The following KMT2D variants were observed in gnomAD, a reference collection of about 807,000 sequenced individuals.
KMT2D encodes histone-lysine N-methyltransferase 2D.
KMT2D carries 55 observed loss-of-function variants against 512.7 expected under a neutral mutation model. That is an observed-to-expected ratio of 0.11 (90% confidence interval 0.09 to 0.13). KMT2D has a LOEUF of 0.13. KMT2D is among the 10% of genes least tolerant of loss of function. The pLI, the probability that KMT2D is intolerant of heterozygous loss-of-function variation, is 1.00. For missense variants in KMT2D, 6,061 were observed against 7,127.9 expected (o/e 0.85, Z 5.39); for synonymous variants, 2,995 against 2,904.0 (o/e 1.03, Z -1.01).
chr12:49,022,442 G>A lies in KMT2D; in HGVS notation c.16339-89C>T. The A allele has an allele frequency of 6.7e-7, 1 of 1,492,010 alleles. No homozygotes were observed. Among genetic ancestry groups the A allele is most frequent in the Non-Finnish European group, 9.2e-7 (1 of 1,082,362 alleles). The allele number at this position is 1,492,010 out of a possible 1,614,324, so 92.4% of individuals were successfully genotyped here. On this transcript the variant is annotated intron_variant, in intron 52 of 54. Coordinates refer to ENST00000301067, the MANE Select transcript of KMT2D (RefSeq NM_003482.4). The surrounding 1 kb of genome is among the most constrained non-coding windows in gnomAD (Gnocchi z 8.6). ...GGATCAGGTAGGAGACTCAGGCAGT[G>A]GGGGCTTTTGTTGCATGTACTTCAT...
rs1592133895 is a variant in KMT2D, at chr12:49,039,823, C to T, written c.7947G>A (p.Gly2649=). 1 of 1,614,032 alleles carries T rather than the reference C, an allele frequency of 6.2e-7. No individual in the cohort carries two copies. The highest frequency in any genetic ancestry group is 2.2e-5 in the East Asian group (1 of 44,884). Residue 2649 remains glycine (G), a synonymous_variant, in exon 32 of 55, where the codon GGG becomes GGA. Coordinates refer to ENST00000301067, the MANE Select transcript of KMT2D (RefSeq NM_003482.4). The surrounding 1 kb of genome is among the most constrained non-coding windows in gnomAD (Gnocchi z 5.0). ...TSPVEKREDP[G]TGMGSSLATA... is the part of the protein sequence containing the mutation. The stretch of plus-strand genomic sequence containing the variant: ...TCGCCAAAGAGCTACCCATTCCAGT[C>T]CCTGGGTCTTCTCGCTTTTCGACAG...
At chr12:49,035,912 A>C (rs1297248123) in intron 35 of KMT2D, 1 of 152,268 alleles carries the variant, frequency 6.6e-6, no homozygotes, top group Non-Finnish European at 1.5e-5. Context: ...TGGAATCCTG[A>C]GGCAGTAAAC....
chr12:49,042,970 G>A lies in KMT2D; in HGVS notation c.5645-92C>T. Reference sequence around the variant, plus strand: ...ATGATCATGGCCAGGAACAGTCCAGGACTCCCCACCAGAGAAGCTGTACAG... The same window carrying A: ...ATGATCATGGCCAGGAACAGTCCAGAACTCCCCACCAGAGAAGCTGTACAG... On this transcript the variant is annotated intron_variant, in intron 26 of 54. Coordinates refer to ENST00000301067, the MANE Select transcript of KMT2D (RefSeq NM_003482.4). This position sits in a 1 kb window ranked among gnomAD's most constrained non-coding sequence, Gnocchi z 4.4. 6.3e-7 allele frequency: 1 copy of A among 1,575,490 alleles called. No individual in the cohort carries two copies.
rs1314421590 is a variant in KMT2D at position 49,034,165 on chromosome 12, T to C, written c.10642A>G (p.Thr3548Ala). The C allele has an allele frequency of 6.2e-7, 1 of 1,613,402 alleles. No individual in the cohort carries two copies. Among genetic ancestry groups the C allele is most frequent in the Non-Finnish European group, 8.5e-7 (1 of 1,179,864 alleles). ...AACTCACGGCCAGCTTTTTTGGCAGTGCGCTGCTTGGCACACAGAGCCTTC... is the reference window on the plus strand; with the variant it reads ...AACTCACGGCCAGCTTTTTTGGCAGCGCGCTGCTTGGCACACAGAGCCTTC... ...SRKALCAKQR[T>A]AKKAGREFPE... is the part of the protein sequence containing the mutation. The change falls in exon 39 of 55, where the codon ACT (threonine) becomes GCT (alanine). Residue 3548 changes from threonine (T) to alanine (A), a missense_variant. Physicochemically the swap from Thr to Ala is moderately conservative, Grantham distance 58. Around this residue, in one of 16 missense-constraint regions of KMT2D, gnomAD observed 50 missense variants for 119.9 expected, o/e 0.42. Transcript: ENST00000301067.
Position 49,039,866 on chromosome 12 carries a change from C to G in KMT2D, c.7904G>C (p.Arg2635Pro), listed in dbSNP as rs200359477. 4 of 1,614,030 alleles carry G rather than the reference C, an allele frequency of 2.5e-6. No individual in the cohort carries two copies. Among genetic ancestry groups the G allele is most frequent in the Non-Finnish European group, 3.4e-6 (4 of 1,179,902 alleles). Reference protein sequence around the residue: ...LPYLSHGASQRSGITSPVEKR... With the variant: ...LPYLSHGASQPSGITSPVEKR... The stretch of plus-strand genomic sequence containing the variant: ...TTCGACAGGAGAGGTGATGCCTGAT[C>G]GCTGTGAGGCTCCATGGGACAGGTA... The change falls in exon 32 of 55, where the codon CGA becomes CCA. Residue 2635 changes from arginine to proline, a missense_variant. Physicochemically the swap from Arg to Pro is moderately radical, Grantham distance 103. This residue lies in a region of KMT2D where 527 missense variants were observed against 578.9 expected (regional missense o/e 0.91). Coordinates refer to ENST00000301067, the MANE Select transcript of KMT2D (RefSeq NM_003482.4). The surrounding 1 kb of genome is among the most constrained non-coding windows in gnomAD (Gnocchi z 5.0).
chr12:49,044,517 C>T lies in KMT2D; in HGVS notation c.4969G>A (p.Val1657Met), dbSNP rs1295865273. The change falls in exon 21 of 55, where the codon GTG (valine) becomes ATG (methionine). Residue 1657 changes from valine (V) to methionine (M), a missense_variant. By Grantham distance (21) the Val-to-Met change is conservative. Transcript: ENST00000301067. This position sits in a 1 kb window ranked among gnomAD's most constrained non-coding sequence, Gnocchi z 6.4. ...TTAATTTCGCACTCCATGTGCTCCACACCACCTGCGTATGGTGACAGAAGA... is the reference window on the plus strand; with the variant it reads ...TTAATTTCGCACTCCATGTGCTCCATACCACCTGCGTATGGTGACAGAAGA... ...TDELLKGEGG[V>M]EHMECEIKLE... 1 of 1,613,990 alleles carries T rather than the reference C, an allele frequency of 6.2e-7. No individual in the cohort carries two copies. The highest frequency in any genetic ancestry group is 8.5e-7 in the Non-Finnish European group (1 of 1,179,860).
At position 49,043,142 on chromosome 12, in the gene KMT2D, G is replaced by T. The variant is rs754087687; in HGVS notation, c.5578C>A (p.Pro1860Thr). 2 of 1,613,922 alleles carry T rather than the reference G, an allele frequency of 1.2e-6. No homozygotes were observed. The highest frequency in any genetic ancestry group is 1.7e-6 in the Non-Finnish European group (2 of 1,179,854). ...TCACCTGGGGTGCCTGGCTTCTCAG[G>T]GTCACTGGGCACTGGGGATGCCTTC... ...GVKASPVPSD[P>T]EKPGTPGEGM... Residue 1860 changes from proline (P) to threonine (T), a missense_variant, in exon 26 of 55, where the codon CCT (proline) becomes ACT (threonine). Around this residue, in one of 16 missense-constraint regions of KMT2D, gnomAD observed 640 missense variants for 814.3 expected, o/e 0.79. Coordinates refer to ENST00000301067, the MANE Select transcript of KMT2D (RefSeq NM_003482.4).
rs2120510723 is a variant in KMT2D, at chr12:49,039,367, G to A, written c.8230-9C>T. The A allele has an allele frequency of 1.2e-6, 2 of 1,611,052 alleles. No homozygotes were observed. Among genetic ancestry groups the A allele is most frequent in the Non-Finnish European group, 1.7e-6 (2 of 1,178,362 alleles). ...ACAAGGCTGCTCTTGTCCTAGAAGA[G>A]ACAAGGTAGATGAAGGTGGAGCAAC... On this transcript the variant is annotated splice_polypyrimidine_tract_variant and intron_variant, in intron 33 of 54. Transcript: ENST00000301067. This position sits in a 1 kb window ranked among gnomAD's most constrained non-coding sequence, Gnocchi z 5.0.
Position 49,051,824 on chromosome 12 carries a change from G to C in KMT2D, c.1859C>G (p.Pro620Arg), listed in dbSNP as rs369076375. The C allele has an allele frequency of 2.0e-5, 32 of 1,612,962 alleles. No homozygotes were observed. Among genetic ancestry groups the C allele is most frequent in the East Asian group, 4.5e-5 (2 of 44,826 alleles). ...TGGGGACAGGCGTGATGCCTCAGGT[G>C]GTGGGGAAAGGGGAGACTCCTCAGG... is the stretch of plus-strand genomic sequence containing the variant. ...PPPEESPLSP[P>R]PEASRLSPPP... The change falls in exon 11 of 55, where the codon CCA becomes CGA. Residue 620 changes from proline (P) to arginine (R), a missense_variant. Physicochemically the swap from Pro to Arg is moderately radical, Grantham distance 103. Transcript: ENST00000301067.
chr12:49,047,608 C>T (rs565268479), intron 15 of KMT2D, among the ~76,000 whole-genome samples: 35 of 151,502 alleles, frequency 2.3e-4, no homozygotes, highest in Non-Finnish European at 4.3e-4. Context: ...TTAGAAGAGA[C>T]GGGGTTTCAC....
intron 46 of KMT2D, 136 bp downstream of exon 46, chr12:49,028,692 T>G: frequency 8.4e-7 from 1 of 1,185,602 alleles, no homozygotes; most frequent in South Asian, 1.6e-5. Flanking sequence ...TCTCACAGCC[T>G]CTAGCCCAGG....
chr12:49,032,166 T>A lies in KMT2D; in HGVS notation c.12539A>T (p.Gln4180Leu). ...AACCCCAGGCAGACCCTGCCCAGAC[T>A]GGAGGACAGGTCCTGGTTTGGGAGG... ...PQPPKPGPVL[Q>L]SGQGLPGVGI... The change falls in exon 40 of 55, where the codon CAG becomes CTG. Residue 4180 changes from glutamine (Q) to leucine (L), a missense_variant. By Grantham distance (113) the Gln-to-Leu change is moderately radical (BLOSUM62 -2). Transcript: ENST00000301067. 1 of 1,613,148 alleles carries A rather than the reference T, an allele frequency of 6.2e-7. No homozygotes were observed. Among genetic ancestry groups the A allele is most frequent in the Non-Finnish European group, 8.5e-7 (1 of 1,179,300 alleles).
In KMT2D at chr12:49,040,144, T is replaced by A. The variant is rs2120522911; in HGVS notation, c.7626A>T (p.Val2542=). The part of the protein sequence containing the change: ...SPMRFTFPQA[V]GEPSLKPPVP... Reference sequence around the variant, plus strand: ...CAGGGGGCTTTAGGGAAGGCTCCCCTACTGCCTGAGGGAAAGTGAAACGCA... The same window carrying A: ...CAGGGGGCTTTAGGGAAGGCTCCCCAACTGCCTGAGGGAAAGTGAAACGCA... The change falls in exon 32 of 55, where the codon GTA becomes GTT. Residue 2542 remains valine, a synonymous_variant. Coordinates refer to ENST00000301067, the MANE Select transcript of KMT2D (RefSeq NM_003482.4). 6.2e-7 allele frequency: 1 copy of A among 1,613,884 alleles called. No individual in the cohort carries two copies. Among genetic ancestry groups the A allele is most frequent in the African/African-American group, 1.3e-5 (1 of 75,054 alleles).
chr12:49,041,042 G>C lies in KMT2D; in HGVS notation c.6728C>G (p.Pro2243Arg). 6.4e-7 allele frequency: 1 copy of C among 1,560,720 alleles called. No homozygotes were observed. The highest frequency in any genetic ancestry group is 8.7e-7 in the Non-Finnish European group (1 of 1,152,672). Residue 2243 changes from proline to arginine, a missense_variant, in exon 32 of 55, where the codon CCA (proline) becomes CGA (arginine). Coordinates refer to ENST00000301067, the MANE Select transcript of KMT2D (RefSeq NM_003482.4). The surrounding 1 kb of genome is among the most constrained non-coding windows in gnomAD (Gnocchi z 5.4). ...TPRHQPSTPD[P>R]FLKPRCPSLD... ...CGAGGGGCAGCGGGGTTTGAGGAAT[G>C]GGTCAGGTGTGGAGGGCTGGTGTCT...
In KMT2D at chr12:49,044,104, C is replaced by T; in HGVS notation, c.5188+96G>A. 2.5e-6 allele frequency: 4 copies of T among 1,588,024 alleles called. No homozygotes were observed. The South Asian group carries it at 3.4e-5, about 13-fold the overall frequency. On this transcript the variant is annotated intron_variant, in intron 22 of 54. Transcript: ENST00000301067. This position sits in a 1 kb window ranked among gnomAD's most constrained non-coding sequence, Gnocchi z 6.4. ...TCTCCCACAACACCAGCTGGGTCTA[C>T]CACCCTCTTGGCCCTTTCAATGAGT...
At position 49,050,779 on chromosome 12, in the gene KMT2D, G is replaced by A; in HGVS notation, c.2809C>T (p.Pro937Ser). Residue 937 changes from proline to serine, a missense_variant, in exon 12 of 55, where the codon CCT becomes TCT. Transcript: ENST00000301067. The part of the protein sequence containing the change: ...PQLMPPDPLP[P>S]PLSPIITAAA... The stretch of plus-strand genomic sequence containing the variant: ...GCTGTGATGATGGGTGAGAGTGGAG[G>A]AGGAAGGGGATCTGGAAGGAAAGAG... The A allele has an allele frequency of 6.2e-7, 1 of 1,603,558 alleles. No individual in the cohort carries two copies. Among genetic ancestry groups the A allele is most frequent in the South Asian group, 1.1e-5 (1 of 90,640 alleles).
In KMT2D at chr12:49,031,934, C is replaced by T. The variant is rs1256650216; in HGVS notation, c.12771G>A (p.Leu4257=). The T allele has an allele frequency of 6.5e-7, 1 of 1,541,848 alleles. No individual in the cohort carries two copies. Among genetic ancestry groups the T allele is most frequent in the Non-Finnish European group, 8.7e-7 (1 of 1,144,804 alleles). ...GTQTSPLQGL[L]GCQPQLGGFP... ...AGCCCCCAAGTTGAGGTTGGCAGCC[C>T]AGGAGGCCCTGGAGGGGAGAGGTCT... The change falls in exon 40 of 55, where the codon CTG becomes CTA. Residue 4257 remains leucine, a synonymous_variant. Coordinates refer to ENST00000301067, the MANE Select transcript of KMT2D (RefSeq NM_003482.4).
In KMT2D at chr12:49,022,524, A is replaced by G. The variant is rs772848629; in HGVS notation, c.16338+66T>C. On this transcript the variant is annotated intron_variant, in intron 52 of 54. Transcript: ENST00000301067. The surrounding 1 kb of genome is among the most constrained non-coding windows in gnomAD (Gnocchi z 8.6). ...CTTTCCTCCTGCTCTCCTGTGACCA[A>G]TCCTGCCCTTGCTCCTTGGTTGAGT... 2.7e-5 allele frequency: 42 copies of G among 1,573,690 alleles called. No individual in the cohort carries two copies. Among genetic ancestry groups the G allele is most frequent in the African/African-American group, 5.4e-5 (4 of 74,204 alleles).
intron 6 of KMT2D, 51 bp from the exon 7 acceptor site, chr12:49,053,692 C>A: frequency 6.5e-7 from 1 of 1,533,038 alleles, no homozygotes; most frequent in South Asian, 1.2e-5. Context: ...TTGTAAGCCT[C>A]AGCACATTGC....
Sources: allele counts gnomAD v4.1 joint callset (sites outside exome capture counted in the v4.1 genomes callset), GRCh38; gene constraint gnomAD v4.1.1; regional missense constraint gnomAD v4.1.1; non-coding constraint Gnocchi (gnomAD v3.1); transcripts MANE v1.5; gene names NCBI Gene and HGNC (gene_info 2026-07-23, HGNC 2026-07-21).